INPP4B: variants seen among roughly 807,000 people sequenced by gnomAD.
INPP4B encodes the protein inositol polyphosphate 4-phosphatase type II.
Under a neutral mutation model 122.5 loss-of-function variants are expected in INPP4B, and 55 were observed. The ratio of observed to expected loss-of-function variants is 0.45; its 90% CI spans 0.36 to 0.56. The LOEUF (loss-of-function observed/expected upper bound fraction) is 0.56, where lower values mean the gene tolerates loss of function less well. INPP4B is among the 20% of genes least tolerant of loss of function. The pLI, the probability that INPP4B is intolerant of heterozygous loss-of-function variation, is 0.00. For synonymous variants in INPP4B, 403 were observed against 388.7 expected, an observed-to-expected ratio of 1.04 and a Z score of -0.43; for missense variants, 1,000 against 1,097.7, an observed-to-expected ratio of 0.91 and a Z score of 1.26.
At chr4:142,797,772 G>T (rs72728658) in intron 1 of INPP4B, among the ~76,000 whole-genome samples, 1 of 151,508 alleles carries the variant, frequency 6.6e-6, no homozygotes, top group Non-Finnish European at 1.5e-5. Flanking sequence ...ATTGGAAAAA[G>T]ATTAAACCTA....
chr4:142,755,134 C>T (rs80093709), intron 1 of INPP4B, among the ~76,000 whole-genome samples: 3,751 of 152,048 alleles, frequency 0.025, 59 homozygotes, highest in Middle Eastern at 0.096. Context: ...TTCTATCTAT[C>T]CTCATAAATC....
At position 142,424,083 on chromosome 4, in the gene INPP4B, G is replaced by A. The variant is rs563415951; in HGVS notation, c.136+5090C>T. Among the ~76,000 whole-genome samples the A allele has an allele frequency of 3.3e-5, 5 of 152,044 alleles. No individual in the cohort carries two copies. In the South Asian group the frequency reaches 1.0e-3, roughly 32 times the overall value. On this transcript the variant is annotated intron_variant, in intron 5 of 25. Transcript: ENST00000262992. ...TCATACAGCTCTCCTACTCTAGAAT[G>A]TAATTTCCCCTTTCCTCTAATTATT...
At chr4:142,050,663 T>C (rs902370663) in intron 25 of INPP4B, among the ~76,000 whole-genome samples, 4 of 152,054 alleles carry the variant, frequency 2.6e-5, no homozygotes, top group African/African-American at 9.7e-5. Context: ...AGCTATACTT[T>C]GGTAAATATT....
intron 2 of INPP4B, among the ~76,000 whole-genome samples, chr4:142,558,219 T>G (rs1309218580): frequency 6.6e-6 from 1 of 152,210 alleles, no homozygotes; most frequent in Non-Finnish European, 1.5e-5. Context: ...CGCTAGATTT[T>G]GAGCTCAGTC....
At chr4:142,400,582 A>G (rs996212392) in intron 7 of INPP4B, among the ~76,000 whole-genome samples, 3 of 152,216 alleles carry the variant, frequency 2.0e-5, no homozygotes, top group Non-Finnish European at 4.4e-5. Context: ...ATATTAATCT[A>G]CTGTGTTTCT....
intron 2 of INPP4B, chr4:142,654,389 A>AAAAC (rs1553983869): frequency 4.7e-5 from 7 of 148,600 alleles, no homozygotes; most frequent in South Asian, 2.1e-4. Context: ...AAAAAAAAAA[A>AAAAC]CATAAAATGA....
intron 5 of INPP4B, among the ~76,000 whole-genome samples, chr4:142,415,945 T>C (rs1805641330): frequency 1.3e-5 from 2 of 151,116 alleles, no homozygotes; most frequent in Non-Finnish European, 2.9e-5. Context: ...TAGGTGGGAA[T>C]TGAACAATGA....
chr4:142,097,221 GTTATTT>G (rs1333805558), intron 23 of INPP4B, among the ~76,000 whole-genome samples: 1,792 of 75,812 alleles, frequency 0.024, 56 homozygotes, highest in African/African-American at 0.054. Flanking sequence ...TTTATTTTAT[GTTATTT>G]TTATTTTATT....
chr4:142,595,654 C>T (rs1039267327), intron 2 of INPP4B, among the ~76,000 whole-genome samples: 6 of 152,098 alleles, frequency 3.9e-5, no homozygotes, highest in Non-Finnish European at 8.8e-5. Flanking sequence ...CAAACCTGGA[C>T]ATACAGTCAC....
intron 2 of INPP4B, among the ~76,000 whole-genome samples, chr4:142,624,071 T>C (rs1429923461): frequency 6.6e-6 from 1 of 151,804 alleles, no homozygotes; most frequent in Non-Finnish European, 1.5e-5. Context: ...TATAGTCCTT[T>C]GGGTATATAC....
At chr4:142,819,520 CTG>C (rs1331206318) in intron 1 of INPP4B, among the ~76,000 whole-genome samples, 1 of 152,134 alleles carries the variant, frequency 6.6e-6, no homozygotes, top group Non-Finnish European at 1.5e-5. Context: ...AAAATGAAGA[CTG>C]TTACCCACTT....
intron 1 of INPP4B, among the ~76,000 whole-genome samples, chr4:142,755,721 A>G (rs77591488): frequency 0.055 from 8,315 of 152,178 alleles, 345 homozygotes; most frequent in Non-Finnish European, 0.084. Context: ...ATAATAGTTT[A>G]TCCTGTTAAC....
intron 2 of INPP4B, among the ~76,000 whole-genome samples, chr4:142,691,838 C>A (rs945493964): frequency 2.0e-5 from 3 of 152,132 alleles, no homozygotes. Context: ...GGCTTGAGTT[C>A]CACTTCTGAG....
chr4:142,317,242 C>A, intron 7 of INPP4B: 1 of 323,824 alleles, frequency 3.1e-6, no homozygotes, highest in Admixed American at 3.5e-5. Context: ...TGAAATATGG[C>A]AGATTATGTG....
At chr4:142,681,676 C>T (rs986035680) in intron 2 of INPP4B, among the ~76,000 whole-genome samples, 5 of 151,524 alleles carry the variant, frequency 3.3e-5, no homozygotes, top group Admixed American at 6.6e-5. Flanking sequence ...TGCCTGCAAA[C>T]GCCAAAGAAA....
At chr4:142,345,726 G>C (rs1414009074) in intron 7 of INPP4B, among the ~76,000 whole-genome samples, 1 of 151,960 alleles carries the variant, frequency 6.6e-6, no homozygotes, top group East Asian at 1.9e-4. Flanking sequence ...CAAAAAAATA[G>C]AGTTATAGTA....
intron 16 of INPP4B, among the ~76,000 whole-genome samples, chr4:142,172,833 C>T (rs1826248248): frequency 6.6e-6 from 1 of 151,946 alleles, no homozygotes; most frequent in Non-Finnish European, 1.5e-5. Context: ...TCTCCAACGG[C>T]ATATTTACTG....
chr4:142,071,512 T>A (rs573710673), intron 25 of INPP4B, among the ~76,000 whole-genome samples: 1 of 152,168 alleles, frequency 6.6e-6, no homozygotes, highest in Non-Finnish European at 1.5e-5. Context: ...AAAGAGCTTC[T>A]GCACAGCAAA....
At position 142,826,157 on chromosome 4, in the gene INPP4B, A is replaced by T. The variant is rs979007317; in HGVS notation, c.-254+20052T>A. On this transcript the variant is annotated intron_variant, in intron 1 of 25. Coordinates refer to ENST00000262992, the MANE Select transcript of INPP4B (RefSeq NM_001101669.3). ...TACATATATGAGAAACGGTAATCACATCTTTCTTTTTCCAGCCCTGACAGC... is the reference window on the plus strand; with the variant it reads ...TACATATATGAGAAACGGTAATCACTTCTTTCTTTTTCCAGCCCTGACAGC... 5.3e-5 allele frequency among the ~76,000 whole-genome samples: 8 copies of T among 152,244 alleles called. No homozygotes were observed. In the East Asian group the frequency reaches 5.8e-4, roughly 11 times the overall value.
Sources: allele counts gnomAD v4.1 joint callset (sites outside exome capture counted in the v4.1 genomes callset), GRCh38; gene constraint gnomAD v4.1.1; transcripts MANE v1.5; gene names NCBI Gene and HGNC (gene_info 2026-07-23, HGNC 2026-07-21).